Variants in CUL4A observed in about 807,000 individuals in gnomAD.
CUL4A encodes the protein cullin 4A, also known as cullin-4A.
In CUL4A, 16 loss-of-function variants were observed where a neutral mutation model predicts 95.5. The observed-to-expected ratio is 0.17, with a 90% CI of 0.11 to 0.25. CUL4A has a LOEUF of 0.25. CUL4A is among the 10% of genes least tolerant of loss of function. The pLI is 1.00. For synonymous variants in CUL4A, 380 were observed against 353.1 expected (o/e 1.08, Z -0.85); for missense variants, 610 against 937.0 (o/e 0.65, Z 4.56).
Position 113,212,090 on chromosome 13 carries a change from A to G in CUL4A, c.264+2002A>G, listed in dbSNP as rs531713940. ...CTAAGCATCTTTGTATTTACTTGCC[A>G]TTCTATGTATCTTCGTTGACGAAGT... On this transcript the variant is annotated intron_variant, in intron 2 of 19. Coordinates refer to ENST00000375440, the MANE Select transcript of CUL4A (RefSeq NM_001008895.4). Among the ~76,000 whole-genome samples, 25 of 152,340 alleles carry G rather than the reference A, an allele frequency of 1.6e-4. No homozygotes were observed. The East Asian group carries it at 3.3e-3, about 20-fold the overall frequency.
intron 5 of CUL4A, among the ~76,000 whole-genome samples, chr13:113,230,701 A>C (rs773197552): frequency 2.6e-4 from 39 of 152,196 alleles, no homozygotes; most frequent in Non-Finnish European, 5.0e-4. Context: ...TAAGGCACAT[A>C]AGTTAAAATA....
rs1196198011 is a variant in CUL4A at position 113,233,204 on chromosome 13, C to T, written c.540C>T (p.Thr180=). Residue 180 remains threonine, a synonymous_variant, in exon 6 of 20, where the codon ACC becomes ACT. Coordinates refer to ENST00000375440, the MANE Select transcript of CUL4A (RefSeq NM_001008895.4). ...IWDMGLELFR[T]HIISDKMVQS... is the part of the protein sequence containing the mutation. ...ATATGGGATTAGAACTGTTTAGAAC[C>T]CATATTATTAGTGATAAAATGGTTC... 8 of 1,613,878 alleles carry T rather than the reference C, an allele frequency of 5.0e-6. No homozygotes were observed. The highest frequency in any genetic ancestry group is 1.3e-5 in the African/African-American group (1 of 74,900).
At chr13:113,210,112 G>A in intron 2 of CUL4A, 24 bp downstream of exon 2, 1 of 1,452,982 alleles carries the variant, frequency 6.9e-7, no homozygotes, top group Non-Finnish European at 9.2e-7. Flanking sequence ...CGGGGCTGGG[G>A]ACGCCGCTCC....
intron 3 of CUL4A, among the ~76,000 whole-genome samples, chr13:113,220,985 A>G (rs1011328022): frequency 1.8e-4 from 27 of 152,234 alleles, no homozygotes; most frequent in African/African-American, 6.0e-4. Flanking sequence ...TAGTCATGAG[A>G]CAAGATCTTG....
intron 8 of CUL4A, among the ~76,000 whole-genome samples, chr13:113,236,363 A>C (rs2041543671): frequency 6.6e-6 from 1 of 152,136 alleles, no homozygotes; most frequent in Admixed American, 6.5e-5. Flanking sequence ...GAAATAGTGG[A>C]GAGAGCGGCA....
intron 15 of CUL4A, among the ~76,000 whole-genome samples, chr13:113,247,365 A>G (rs1269145252): frequency 6.6e-6 from 1 of 152,162 alleles, no homozygotes; most frequent in Non-Finnish European, 1.5e-5. Context: ...GTCTGTTCAG[A>G]TTCTTCTTGG....
At chr13:113,222,919 A>G (rs2040953239) in intron 3 of CUL4A, among the ~76,000 whole-genome samples, 1 of 152,184 alleles carries the variant, frequency 6.6e-6, no homozygotes, top group East Asian at 1.9e-4. Context: ...AAATGAGCAG[A>G]GCCATGAGAG....
At chr13:113,220,974 T>C (rs1220013644) in intron 3 of CUL4A, among the ~76,000 whole-genome samples, 1 of 152,240 alleles carries the variant, frequency 6.6e-6, no homozygotes, top group East Asian at 1.9e-4. Flanking sequence ...AATGCCCTTA[T>C]TAGTCATGAG....
intron 19 of CUL4A, 71 bp downstream of exon 19, chr13:113,260,830 T>C: frequency 1.7e-6 from 2 of 1,169,436 alleles, no homozygotes; most frequent in Non-Finnish European, 2.4e-6. Context: ...TTTAATTCTA[T>C]GTTCAGTCAT....
chr13:113,233,026 GAA>G lies in CUL4A; in HGVS notation c.513-150_513-149del, dbSNP rs999382602. On this transcript the variant is annotated intron_variant, in intron 5 of 19. Transcript: ENST00000375440. ...GGCGCGCTAGACTGGCTGAGAAACA[GAA>G]GTTTTTAAAAGGAATTCTTGGCACC... 5.1e-6 allele frequency: 4 copies of G among 790,808 alleles called. No homozygotes were observed. The African/African-American group carries it at 7.0e-5, about 14-fold the overall frequency. 49.0% of individuals were successfully genotyped at this position (790,808 alleles called of 1,614,324 possible).
chr13:113,213,162 C>T (rs1317479288), intron 2 of CUL4A, among the ~76,000 whole-genome samples: 1 of 152,062 alleles, frequency 6.6e-6, no homozygotes, highest in African/African-American at 2.4e-5. Flanking sequence ...CTGAGGTGGC[C>T]TGATCGCTTG....
chr13:113,209,949 G>A, intron 1 of CUL4A, 24 bp from the exon 2 acceptor site: 2 of 1,475,078 alleles, frequency 1.4e-6, no homozygotes, highest in South Asian at 1.3e-5. Context: ...GCCCTGAGCC[G>A]CCCGCTCTCC....
chr13:113,235,634 A>G (rs1414883506), intron 8 of CUL4A, among the ~76,000 whole-genome samples: 1 of 152,166 alleles, frequency 6.6e-6, no homozygotes, highest in Admixed American at 6.6e-5. Context: ...GATGGGAGGC[A>G]AGGACAGAGG....
intron 4 of CUL4A, among the ~76,000 whole-genome samples, chr13:113,228,590 T>C (rs2041193171): frequency 6.6e-6 from 1 of 152,024 alleles, no homozygotes; most frequent in East Asian, 1.9e-4. Context: ...TAGAGCTCGC[T>C]GAGGGTCTGT....
intron 18 of CUL4A, 142 bp from the exon 19 acceptor site, chr13:113,260,465 G>A (rs559234995): frequency 9.9e-5 from 63 of 633,188 alleles, no homozygotes; most frequent in Middle Eastern, 8.8e-4. Context: ...CAAGAGAATC[G>A]CTTGATCCTG....
chr13:113,237,372 C>T (rs1255681849), intron 9 of CUL4A, among the ~76,000 whole-genome samples: 3 of 152,210 alleles, frequency 2.0e-5, no homozygotes, highest in Admixed American at 6.5e-5. Context: ...GTATACTTTT[C>T]TCCTGGTTTT....
chr13:113,238,077 C>T (rs532780969), intron 9 of CUL4A, among the ~76,000 whole-genome samples: 1 of 152,262 alleles, frequency 6.6e-6, no homozygotes, highest in East Asian at 1.9e-4. Flanking sequence ...CTACACATCA[C>T]CTATCCACCT....
At chr13:113,235,382 C>T (rs2041505290) in intron 8 of CUL4A, among the ~76,000 whole-genome samples, 1 of 152,232 alleles carries the variant, frequency 6.6e-6, no homozygotes, top group African/African-American at 2.4e-5. Context: ...AGATACTTGG[C>T]ATCTTTGAGT....
At chr13:113,248,625 G>T (rs1381138576) in intron 15 of CUL4A, among the ~76,000 whole-genome samples, 1 of 152,038 alleles carries the variant, frequency 6.6e-6, no homozygotes, top group African/African-American at 2.4e-5. Flanking sequence ...CAGTATCCAC[G>T]GGCTGTTGGT....
Sources: allele counts gnomAD v4.1 joint callset (sites outside exome capture counted in the v4.1 genomes callset), GRCh38; gene constraint gnomAD v4.1.1; transcripts MANE v1.5; gene names NCBI Gene and HGNC (gene_info 2026-07-23, HGNC 2026-07-21).